Variants in DIPK1B observed in about 807,000 individuals in gnomAD.
DIPK1B encodes the protein family with sequence similarity 69 member B.
DIPK1B carries 17 observed loss-of-function variants against 20.7 expected under a neutral mutation model. That is an observed-to-expected ratio of 0.82 (90% CI 0.56 to 1.23). DIPK1B has a LOEUF of 1.23. Among genes scored for constraint, DIPK1B ranks in the 50% most tolerant of loss-of-function variants. The pLI is 0.00. For missense variants in DIPK1B, 648 were observed against 601.8 expected, an observed-to-expected ratio of 1.08 and a Z score of -0.80; for synonymous variants, 343 against 276.5, an observed-to-expected ratio of 1.24 and a Z score of -2.39.
chr9:136,722,584 G>A, intron 4 of DIPK1B: 5 of 567,476 alleles, frequency 8.8e-6, no homozygotes, highest in Admixed American at 3.1e-5. Flanking sequence ...TGCCCCGAAT[G>A]GAGACCAGGG....
chr9:136,717,708 C>T lies in DIPK1B; in HGVS notation c.195C>T (p.Val65=). Residue 65 remains valine (V), a synonymous_variant, in exon 2 of 5, where the codon GTC becomes GTT. Transcript: ENST00000371692. The part of the protein sequence containing the change: ...ERCRGHVCQV[V]ICDQYRKGII... ...GTCGCGGCCATGTCTGCCAGGTGGT[C>T]ATTGTAAGTGTTGCTTGTGCGGGCT... 1 of 1,611,230 alleles carries T rather than the reference C, an allele frequency of 6.2e-7. No homozygotes were observed. Among genetic ancestry groups the T allele is most frequent in the Middle Eastern group, 1.7e-4 (1 of 6,060 alleles).
At chr9:136,719,007 C>G (rs1022947750) in intron 2 of DIPK1B, among the ~76,000 whole-genome samples, 5 of 152,120 alleles carry the variant, frequency 3.3e-5, no homozygotes, top group Admixed American at 1.3e-4. Flanking sequence ...GGCCTCTGAG[C>G]CCAGCAGGGC....
At chr9:136,717,525 C>T in intron 1 of DIPK1B, 52 bp from the exon 2 acceptor site, 1 of 1,574,132 alleles carries the variant, frequency 6.4e-7, no homozygotes, top group Non-Finnish European at 8.6e-7. Flanking sequence ...TGAGAGCACC[C>T]TGAGCCTGGG....
At chr9:136,715,069 C>T (rs772522073) in intron 1 of DIPK1B, among the ~76,000 whole-genome samples, 63 of 152,186 alleles carry the variant, frequency 4.1e-4, no homozygotes, top group Non-Finnish European at 1.6e-4. Context: ...TGTGGCCAGG[C>T]GCTGCCGGGA....
Position 136,712,818 on chromosome 9 carries a change from C to A in DIPK1B, c.63+90C>A. ...GGAGTGGGCCGAGTACGGAGCGGGG[C>A]CCCGGGTTCGGACACGAAGGGTTCA... is the stretch of plus-strand genomic sequence containing the variant. On this transcript the variant is annotated intron_variant, in intron 1 of 4. Transcript: ENST00000371692. This position sits in a 1 kb window ranked among gnomAD's most constrained non-coding sequence, Gnocchi z 5.6. 4.1e-6 allele frequency: 4 copies of A among 978,214 alleles called. No homozygotes were observed. Among genetic ancestry groups the A allele is most frequent in the Non-Finnish European group, 5.3e-6 (4 of 760,338 alleles). The allele number at this position is 978,214 out of a possible 1,614,324, so 60.6% of individuals were successfully genotyped here.
At chr9:136,722,332 G>C (rs974285611) in intron 4 of DIPK1B, 31 bp downstream of exon 4, 3 of 1,598,820 alleles carry the variant, frequency 1.9e-6, no homozygotes, top group Non-Finnish European at 2.6e-6. Flanking sequence ...GGCAGGGCAG[G>C]AGTCCACACC....
chr9:136,721,691 T>C (rs1034724441), intron 2 of DIPK1B: 4 of 541,614 alleles, frequency 7.4e-6, no homozygotes, highest in African/African-American at 5.7e-5. Flanking sequence ...GCCAGGATGG[T>C]GGGGACGGGA....
At chr9:136,722,090 A>C (rs1846613034) in intron 3 of DIPK1B, 35 bp from the exon 4 acceptor site, 1 of 1,612,620 alleles carries the variant, frequency 6.2e-7, no homozygotes, top group Admixed American at 1.7e-5. Flanking sequence ...TGGGAGGGGG[A>C]TGTCTGCACG....
intron 2 of DIPK1B, among the ~76,000 whole-genome samples, chr9:136,720,683 T>C (rs1846585019): frequency 6.6e-6 from 1 of 152,116 alleles, no homozygotes; most frequent in South Asian, 2.1e-4. Flanking sequence ...CCCGGAGTCA[T>C]TGTGGGGCCC....
intron 2 of DIPK1B, chr9:136,721,650 G>C (rs1846603122): frequency 2.2e-6 from 1 of 462,302 alleles, no homozygotes; most frequent in Non-Finnish European, 4.0e-6. Context: ...TGTCCAGGCA[G>C]TGGCCTTTGC....
At chr9:136,713,527 G>A (rs1251277077) in intron 1 of DIPK1B, among the ~76,000 whole-genome samples, 1 of 152,234 alleles carries the variant, frequency 6.6e-6, no homozygotes, top group East Asian at 1.9e-4. Flanking sequence ...ATGGAACCTG[G>A]CAACCCACAG....
At position 136,722,980 on chromosome 9, in the gene DIPK1B, C is replaced by G; in HGVS notation, c.502C>G (p.Pro168Ala). Residue 168 changes from proline to alanine, a missense_variant, in exon 5 of 5, where the codon CCT (proline) becomes GCT (alanine). Pro to Ala is a conservative substitution (Grantham distance 27, BLOSUM62 -1). Transcript: ENST00000371692. ...SFLKANLGDL[P>A]SLPALVGQVL... is the part of the protein sequence containing the mutation. ...ACGCCAGGCGAACCTGGGAGACCTG[C>G]CTTCCCTGCCGGCGCTGGTTGGCCA... 1 of 1,606,536 alleles carries G rather than the reference C, an allele frequency of 6.2e-7. No individual in the cohort carries two copies. The highest frequency in any genetic ancestry group is 8.5e-7 in the Non-Finnish European group (1 of 1,174,798).
chr9:136,714,187 G>A (rs1277640667), intron 1 of DIPK1B, among the ~76,000 whole-genome samples: 1 of 152,194 alleles, frequency 6.6e-6, no homozygotes, highest in Non-Finnish European at 1.5e-5. Context: ...AAGACCTAGG[G>A]GAGAGCTGGG....
In DIPK1B at chr9:136,717,594, C is replaced by T. The variant is rs769330921; in HGVS notation, c.81C>T (p.Leu27=). The T allele has an allele frequency of 6.2e-7, 1 of 1,600,616 alleles. No individual in the cohort carries two copies. Among genetic ancestry groups the T allele is most frequent in the Non-Finnish European group, 8.5e-7 (1 of 1,179,786 alleles). Residue 27 remains leucine (L), a synonymous_variant, in exon 2 of 5, where the codon CTC becomes CTT. Transcript: ENST00000371692. ...SKRLQGRLPG[L]RVRCIFLAWL... is the part of the protein sequence containing the mutation. ...CCCCACAGGGCCGGCTCCCAGGCCT[C>T]AGGGTCCGCTGCATCTTCCTGGCCT...
chr9:136,721,503 T>C, intron 2 of DIPK1B: 1 of 187,928 alleles, frequency 5.3e-6, no homozygotes, highest in Non-Finnish European at 1.1e-5. Flanking sequence ...GTGTAGATAT[T>C]AGGGACTAGT....
chr9:136,718,739 C>CA (rs1223643716), intron 2 of DIPK1B, among the ~76,000 whole-genome samples: 2 of 152,184 alleles, frequency 1.3e-5, no homozygotes, highest in African/African-American at 2.4e-5. Context: ...TCTCCTCCGT[C>CA]AGATGGGGAG....
At position 136,723,717 on chromosome 9, in the gene DIPK1B, G is replaced by A. The variant is rs1248692011; in HGVS notation, c.1239G>A (p.Val413=). Residue 413 remains valine, a synonymous_variant, in exon 5 of 5, where the codon GTG becomes GTA. Transcript: ENST00000371692. ...ASQVEAHHSL[V]LSHLKTLLWK... Reference sequence around the variant, plus strand: ...AGGTGGAGGCCCATCACTCGCTGGTGCTCAGCCACCTCAAGACTCTGCTCT... The same window carrying A: ...AGGTGGAGGCCCATCACTCGCTGGTACTCAGCCACCTCAAGACTCTGCTCT... The A allele has an allele frequency of 1.3e-6, 2 of 1,536,818 alleles. No homozygotes were observed. The highest frequency in any genetic ancestry group is 2.0e-5 in the Admixed American group (1 of 51,014).
chr9:136,719,909 G>A (rs1347489142), intron 2 of DIPK1B, among the ~76,000 whole-genome samples: 2 of 130,924 alleles, frequency 1.5e-5, no homozygotes, highest in Admixed American at 7.5e-5. Context: ...CTGGGGCTCC[G>A]AGTGCAGGGG....
At chr9:136,717,479 G>A in intron 1 of DIPK1B, 98 bp from the exon 2 acceptor site, 2 of 1,409,388 alleles carry the variant, frequency 1.4e-6, no homozygotes, top group Non-Finnish European at 1.9e-6. Context: ...GGAAGGCTGG[G>A]GTGGATCCGG....
Sources: allele counts gnomAD v4.1 joint callset (sites outside exome capture counted in the v4.1 genomes callset), GRCh38; gene constraint gnomAD v4.1.1; non-coding constraint Gnocchi (gnomAD v3.1); transcripts MANE v1.5; gene names NCBI Gene and HGNC (gene_info 2026-07-23, HGNC 2026-07-21).